Variants in CDC42 observed in about 807,000 individuals in gnomAD.
The protein encoded by CDC42 is cell division control protein 42 homolog.
In CDC42, 1 loss-of-function variant was observed where a neutral mutation model predicts 20.8. The observed-to-expected ratio is 0.05, with a 90% CI of 0.02 to 0.23. The LOEUF (loss-of-function observed/expected upper bound fraction) is 0.23. Among genes scored for constraint, CDC42 ranks in the 10% least tolerant of loss-of-function variants. CDC42 has a pLI of 1.00. For missense variants in CDC42, 49 were observed against 227.9 expected (o/e 0.21, Z 5.05); for synonymous variants, 72 against 84.8 (o/e 0.85, Z 0.83).
At chr1:22,090,036 G>A (rs377372398) in intron 5 of CDC42, 11 of 1,613,522 alleles carry the variant, frequency 6.8e-6, no homozygotes, top group Non-Finnish European at 8.5e-6. Flanking sequence ...ATTCTAAACT[G>A]TTTTCTCCTT....
intron 3 of CDC42, among the ~76,000 whole-genome samples, chr1:22,082,812 A>T (rs1156260179): frequency 6.6e-6 from 1 of 152,102 alleles, no homozygotes; most frequent in Non-Finnish European, 1.5e-5. Context: ...ACAATGACCC[A>T]TAATGTCATG....
At chr1:22,081,874 C>G (rs2124018921) in intron 3 of CDC42, 80 bp downstream of exon 3, 2 of 882,256 alleles carry the variant, frequency 2.3e-6, no homozygotes, top group South Asian at 2.9e-5. Flanking sequence ...TTTTGAGAAA[C>G]TAGCACATGA....
intron 1 of CDC42, among the ~76,000 whole-genome samples, chr1:22,069,613 CTTTTTTTTTTTTTTT>C (rs56218067): frequency 2.7e-5 from 3 of 109,766 alleles, no homozygotes; most frequent in African/African-American, 1.1e-4. Flanking sequence ...CATGCCACCA[CTTTTTTTTTTTTTTT>C]TTTTTTTTTT....
chr1:22,071,334 G>T (rs1243161780), intron 1 of CDC42, among the ~76,000 whole-genome samples: 1 of 152,028 alleles, frequency 6.6e-6, no homozygotes, highest in Non-Finnish European at 1.5e-5. Context: ...GTGAGCCACC[G>T]CACCCGGTCG....
chr1:22,077,315 C>T (rs1447664754), intron 1 of CDC42, among the ~76,000 whole-genome samples: 2 of 152,138 alleles, frequency 1.3e-5, no homozygotes, highest in East Asian at 3.9e-4. Flanking sequence ...GTGCTCAGTG[C>T]TAGAAGTATA....
chr1:22,058,994 A>G (rs773620088), intron 1 of CDC42, among the ~76,000 whole-genome samples: 40 of 91,636 alleles, frequency 4.4e-4, no homozygotes, highest in Non-Finnish European at 6.5e-4. Context: ...GTAAATATAT[A>G]TATATATTTT....
intron 1 of CDC42, among the ~76,000 whole-genome samples, chr1:22,070,654 C>A (rs1290601900): frequency 6.6e-6 from 1 of 151,656 alleles, no homozygotes; most frequent in Non-Finnish European, 1.5e-5. Flanking sequence ...TTAACAGAGG[C>A]AGGGTTTCAC....
rs1416615430 is a variant in CDC42 at position 22,096,757 on chromosome 1, T to C, written c.*5240T>C. ...CCTTTGTGCAAATTAGAAAAGGCCC[T>C]TCCAAAGATACTTTATGAACGACTT... On this transcript the variant is annotated 3_prime_UTR_variant, in exon 6 of 6. Transcript: ENST00000656825. 6.6e-6 allele frequency among the ~76,000 whole-genome samples: 1 copy of C among 152,268 alleles called. No homozygotes were observed. The highest frequency in any genetic ancestry group is 2.4e-5 in the African/African-American group (1 of 41,476).
At chr1:22,088,689 G>C (rs1184043557) in intron 5 of CDC42, among the ~76,000 whole-genome samples, 2 of 152,136 alleles carry the variant, frequency 1.3e-5, no homozygotes, top group African/African-American at 4.8e-5. Flanking sequence ...ATTCCTTCTT[G>C]TTAAGGGATA....
intron 1 of CDC42, among the ~76,000 whole-genome samples, chr1:22,076,472 C>G (rs1320780280): frequency 6.6e-6 from 1 of 152,104 alleles, no homozygotes; most frequent in Non-Finnish European, 1.5e-5. Context: ...ACTTGAGAGT[C>G]AGACTGCTTG....
intron 1 of CDC42, among the ~76,000 whole-genome samples, chr1:22,061,379 G>T (rs1645360933): frequency 1.4e-5 from 2 of 142,828 alleles, no homozygotes; most frequent in East Asian, 4.1e-4. Context: ...CTGCACTTCA[G>T]TCTGAGTAAC....
Position 22,078,185 on chromosome 1 carries a change from A to T in CDC42, c.-50-244A>T, listed in dbSNP as rs536345884. ...TAAAAATAAATTCGCTGATTATCAC[A>T]CCACTTTGGACCTTTTAAAAATAAC... On this transcript the variant is annotated intron_variant, in intron 1 of 5. Transcript: ENST00000656825. 2.6e-5 allele frequency among the ~76,000 whole-genome samples: 4 copies of T among 152,340 alleles called. 1 individual carries two copies. The South Asian group carries it at 8.3e-4, about 32-fold the overall frequency.
rs887115289 is a variant in CDC42 at position 22,095,459 on chromosome 1, T to C, written c.*3942T>C. On this transcript the variant is annotated 3_prime_UTR_variant, in exon 6 of 6. Transcript: ENST00000656825. ...TAATGTTTTGTATTTTTAGTAGAGA[T>C]AGGGTTTCACCATGTTAGCCAGGAT... is the stretch of plus-strand genomic sequence containing the variant. Among the ~76,000 whole-genome samples, 9 of 151,904 alleles carry C rather than the reference T, an allele frequency of 5.9e-5. No individual in the cohort carries two copies. The highest frequency in any genetic ancestry group is 1.2e-4 in the Non-Finnish European group (8 of 67,978).
intron 3 of CDC42, among the ~76,000 whole-genome samples, chr1:22,085,244 A>AAAG (rs1645650042): frequency 5.1e-5 from 7 of 135,948 alleles, no homozygotes; most frequent in Non-Finnish European, 6.2e-5. Context: ...AAAAAAAAAA[A>AAAG]AAAAGAAAAA....
chr1:22,085,910 A>G (rs1486104298), intron 3 of CDC42, among the ~76,000 whole-genome samples: 1 of 152,176 alleles, frequency 6.6e-6, no homozygotes, highest in Non-Finnish European at 1.5e-5. Flanking sequence ...CAGTGATGCC[A>G]TCTCGGCTCA....
intron 1 of CDC42, among the ~76,000 whole-genome samples, chr1:22,060,667 CTT>C (rs1645353082): frequency 1.3e-5 from 2 of 152,260 alleles, no homozygotes; most frequent in Middle Eastern, 6.8e-3. Flanking sequence ...TTGAATAACA[CTT>C]ATCTCTGGTT....
chr1:22,090,938 A>G (rs1187166389), intron 5 of CDC42: 4 of 279,520 alleles, frequency 1.4e-5, no homozygotes, highest in Non-Finnish European at 1.6e-5. Flanking sequence ...GTTCAAAGTG[A>G]CTATCTTTGC....
intron 1 of CDC42, among the ~76,000 whole-genome samples, chr1:22,065,796 C>CT (rs1291439202): frequency 7.2e-5 from 11 of 152,058 alleles, no homozygotes; most frequent in Non-Finnish European, 1.2e-4. Flanking sequence ...GTCAGAGTCT[C>CT]TGTCAACCAG....
In CDC42 at chr1:22,093,892, T is replaced by C. The variant is rs925979896; in HGVS notation, c.*2375T>C. ...GCTCTAGAAGTAGTCATTGGATGGG[T>C]ATATTATTTTATAAATGAGTAAGTG... On this transcript the variant is annotated 3_prime_UTR_variant, in exon 6 of 6. Coordinates refer to ENST00000656825, the MANE Select transcript of CDC42 (RefSeq NM_001791.4). Among the ~76,000 whole-genome samples the C allele has an allele frequency of 1.3e-5, 2 of 152,208 alleles. No homozygotes were observed. Among genetic ancestry groups the C allele is most frequent in the East Asian group, 3.8e-4 (2 of 5,204 alleles).
Sources: gnomAD v4.1 joint callset for allele counts (sites outside exome capture counted in the v4.1 genomes callset) on GRCh38, gnomAD v4.1.1 for gene constraint, MANE v1.5 for transcripts, NCBI Gene and HGNC (gene_info 2026-07-23, HGNC 2026-07-21) for gene names.